Variants in ST8SIA1 observed in about 807,000 individuals in gnomAD.
The protein encoded by ST8SIA1 is alpha-N-acetylneuraminide alpha-2,8-sialyltransferase.
Under a neutral mutation model 35.9 loss-of-function variants are expected in ST8SIA1, and 16 were observed. The ratio of observed to expected loss-of-function variants is 0.45; its 90% CI spans 0.30 to 0.68. The LOEUF (loss-of-function observed/expected upper bound fraction) is 0.68. ST8SIA1 is among the 30% of genes least tolerant of loss of function. The pLI is 0.09. For missense variants in ST8SIA1, 383 were observed against 453.6 expected, an observed-to-expected ratio of 0.84 and a Z score of 1.41; for synonymous variants, 170 against 169.6, an observed-to-expected ratio of 1.00 and a Z score of -0.02.
intron 1 of ST8SIA1, among the ~76,000 whole-genome samples, chr12:22,320,926 GAAGAAAGAAAGA>G (rs138532412): frequency 0.12 from 8,843 of 70,936 alleles, 660 homozygotes; most frequent in African/African-American, 0.16. Context: ...GGAAAGAAAG[GAAGAAAGAAAGA>G]AAGAAAGAAA....
chr12:22,295,957 T>C (rs2135821821), intron 1 of ST8SIA1, among the ~76,000 whole-genome samples: 1 of 152,286 alleles, frequency 6.6e-6, no homozygotes, highest in African/African-American at 2.4e-5. Context: ...ATCTCCTGCC[T>C]TCAGGAAGAA....
At chr12:22,238,089 G>A (rs1047979310) in intron 4 of ST8SIA1, among the ~76,000 whole-genome samples, 2 of 152,150 alleles carry the variant, frequency 1.3e-5, no homozygotes, top group Middle Eastern at 3.4e-3. Flanking sequence ...GGCAGACTGT[G>A]GCAGATTATA....
intron 1 of ST8SIA1, among the ~76,000 whole-genome samples, chr12:22,293,778 A>G (rs1024860815): frequency 6.6e-6 from 1 of 152,174 alleles, no homozygotes; most frequent in African/African-American, 2.4e-5. Flanking sequence ...TACTCCTTCT[A>G]TTCTCAAACA....
chr12:22,282,894 T>C (rs894881153), intron 2 of ST8SIA1, among the ~76,000 whole-genome samples: 1 of 152,134 alleles, frequency 6.6e-6, no homozygotes, highest in Non-Finnish European at 1.5e-5. Flanking sequence ...GTAGATTATG[T>C]AGTATAGTCC....
chr12:22,297,418 C>G (rs1205372498), intron 1 of ST8SIA1, among the ~76,000 whole-genome samples: 1 of 150,792 alleles, frequency 6.6e-6, no homozygotes, highest in Non-Finnish European at 1.5e-5. Context: ...TCCTAATTGT[C>G]TCTTTCATGA....
intron 1 of ST8SIA1, chr12:22,326,438 A>G (rs1866682734): frequency 6.6e-6 from 1 of 152,380 alleles, no homozygotes; most frequent in Non-Finnish European, 1.5e-5. Context: ...GTCCAAAGAC[A>G]TGGATTTTCT....
At chr12:22,281,583 C>A (rs1358789230) in intron 2 of ST8SIA1, among the ~76,000 whole-genome samples, 1 of 151,968 alleles carries the variant, frequency 6.6e-6, no homozygotes, top group African/African-American at 2.4e-5. Context: ...TACCGGGGAG[C>A]TCAAAGCCAA....
Position 22,230,942 on chromosome 12 carries a change from C to A in ST8SIA1, c.584+18064G>T, listed in dbSNP as rs116730707. On this transcript the variant is annotated intron_variant, in intron 4 of 4. Transcript: ENST00000396037. ...ATTAAGATCTCTTGGGCCACTGCCT[C>A]TGCCAATTCTGATGCACTTCCCAGG... 2.3e-3 allele frequency among the ~76,000 whole-genome samples: 343 copies of A among 152,174 alleles called. 2 individuals are homozygous for A. The highest frequency in any genetic ancestry group is 7.3e-3 in the African/African-American group (303 of 41,522).
intron 2 of ST8SIA1, among the ~76,000 whole-genome samples, chr12:22,278,024 C>A (rs1865991544): frequency 6.6e-6 from 1 of 152,176 alleles, no homozygotes; most frequent in Non-Finnish European, 1.5e-5. Context: ...AGCACAGTCC[C>A]TACCACACAG....
chr12:22,231,666 C>T (rs1010608997), intron 4 of ST8SIA1, among the ~76,000 whole-genome samples: 4 of 152,042 alleles, frequency 2.6e-5, no homozygotes, highest in Admixed American at 6.5e-5. Context: ...CTCCGCCTCC[C>T]GGGTTCACGC....
intron 3 of ST8SIA1, among the ~76,000 whole-genome samples, chr12:22,251,570 A>C (rs567850393): frequency 3.0e-4 from 46 of 152,346 alleles, no homozygotes; most frequent in African/African-American, 1.1e-3. Flanking sequence ...GGAAAAGCAC[A>C]CCAATAATTT....
intron 1 of ST8SIA1, among the ~76,000 whole-genome samples, chr12:22,320,955 AAG>A (rs55802605): frequency 0.17 from 13,455 of 78,150 alleles, 1,042 homozygotes; most frequent in Middle Eastern, 0.28. Flanking sequence ...GAAAGAAAGA[AAG>A]AGAAAGAAAG....
chr12:22,229,650 G>T (rs1412043460), intron 4 of ST8SIA1, among the ~76,000 whole-genome samples: 1 of 151,268 alleles, frequency 6.6e-6, no homozygotes, highest in Admixed American at 6.6e-5. Context: ...ATAACTTCAA[G>T]GTTATCCACC....
At chr12:22,210,091 AT>A (rs770135798) in intron 4 of ST8SIA1, among the ~76,000 whole-genome samples, 3 of 152,158 alleles carry the variant, frequency 2.0e-5, no homozygotes, top group African/African-American at 7.2e-5. Flanking sequence ...ATACATGGCA[AT>A]TTTTTTAAAT....
At chr12:22,288,687 C>A (rs1444181417) in intron 1 of ST8SIA1, among the ~76,000 whole-genome samples, 4 of 152,304 alleles carry the variant, frequency 2.6e-5, no homozygotes, top group South Asian at 2.1e-4. Flanking sequence ...GGGCTCAAGG[C>A]AGACAAGGGG....
At chr12:22,325,819 T>C (rs1259221566) in intron 1 of ST8SIA1, 1 of 701,100 alleles carries the variant, frequency 1.4e-6, no homozygotes, top group Admixed American at 2.0e-5. Context: ...GTCTTGCATT[T>C]TGGGGCCACT....
chr12:22,250,425 G>A (rs1217526457), intron 3 of ST8SIA1, among the ~76,000 whole-genome samples: 1 of 152,100 alleles, frequency 6.6e-6, no homozygotes, highest in Non-Finnish European at 1.5e-5. Flanking sequence ...AATTAAATAT[G>A]TATTTATTAT....
At chr12:22,218,116 G>C (rs1411125556) in intron 4 of ST8SIA1, among the ~76,000 whole-genome samples, 1 of 152,188 alleles carries the variant, frequency 6.6e-6, no homozygotes, top group African/African-American at 2.4e-5. Flanking sequence ...TTGAGGCCAG[G>C]AGTTCGAGAC....
intron 1 of ST8SIA1, among the ~76,000 whole-genome samples, chr12:22,314,138 C>G (rs764596046): frequency 6.6e-6 from 1 of 152,182 alleles, no homozygotes; most frequent in Non-Finnish European, 1.5e-5. Context: ...CATGTACAAA[C>G]AGCTGCTGCA....
Sources: allele counts gnomAD v4.1 joint callset (sites outside exome capture counted in the v4.1 genomes callset), GRCh38; gene constraint gnomAD v4.1.1; transcripts MANE v1.5; gene names NCBI Gene and HGNC (gene_info 2026-07-23, HGNC 2026-07-21).